Variants in SCAMP5 observed in about 807,000 individuals in gnomAD.
The protein encoded by SCAMP5 is secretory carrier membrane protein 5, also known as secretory carrier-associated membrane protein 5.
A neutral mutation model predicts 28.3 loss-of-function variants in SCAMP5; 7 were observed. The observed-to-expected ratio is 0.25, with a 90% CI of 0.14 to 0.46. SCAMP5 has a LOEUF of 0.46. Ranked by LOEUF, SCAMP5 falls within the 20% of genes least tolerant of loss-of-function variation. SCAMP5 has a pLI of 0.99. For missense variants in SCAMP5, 192 were observed against 312.5 expected, an observed-to-expected ratio of 0.61 and a Z score of 2.91; for synonymous variants, 117 against 116.4, an observed-to-expected ratio of 1.00 and a Z score of -0.03.
chr15:75,007,398 C>CT (rs1428621754), intron 1 of SCAMP5, among the ~76,000 whole-genome samples: 2 of 152,096 alleles, frequency 1.3e-5, no homozygotes, highest in Non-Finnish European at 2.9e-5. Flanking sequence ...GTTTCTTTTT[C>CT]TTTTTTTGAG....
At chr15:75,008,366 A>T (rs1214224788) in intron 1 of SCAMP5, among the ~76,000 whole-genome samples, 11 of 151,042 alleles carry the variant, frequency 7.3e-5, no homozygotes, top group Admixed American at 7.2e-4. Context: ...AAGCAAATTC[A>T]TATGTGCATT....
At position 75,015,454 on chromosome 15, in the gene SCAMP5, G is replaced by T. The variant is rs3751647; in HGVS notation, c.137-1139G>T. Reference sequence around the variant, plus strand: ...TCAGCTAGATGAGGTGGGGACAGAGGGGGGGGGGCCTGGGTCCTGTTCTTG... The same window carrying T: ...TCAGCTAGATGAGGTGGGGACAGAGTGGGGGGGGCCTGGGTCCTGTTCTTG... On this transcript the variant is annotated intron_variant, in intron 3 of 6. Coordinates refer to ENST00000425597, the MANE Select transcript of SCAMP5 (RefSeq NM_138967.4). Among the ~76,000 whole-genome samples, 433 of 150,022 alleles carry T rather than the reference G, an allele frequency of 2.9e-3. 3 individuals carry two copies. The highest frequency in any genetic ancestry group is 7.8e-3 in the African/African-American group (320 of 40,942).
At chr15:75,009,258 A>G (rs1481975614) in intron 1 of SCAMP5, among the ~76,000 whole-genome samples, 1 of 152,134 alleles carries the variant, frequency 6.6e-6, no homozygotes, top group East Asian at 1.9e-4. Context: ...GCCGCAATTA[A>G]TGCACCTGTG....
At position 75,018,297 on chromosome 15, in the gene SCAMP5, G is replaced by T; in HGVS notation, c.396-121G>T. Reference sequence around the variant, plus strand: ...AGGTTCTTTGGGTATCAGTAAGATGGTCCCTCTGCATCCAGTGATATGTTT... The same window carrying T: ...AGGTTCTTTGGGTATCAGTAAGATGTTCCCTCTGCATCCAGTGATATGTTT... On this transcript the variant is annotated intron_variant, in intron 5 of 6. Coordinates refer to ENST00000425597, the MANE Select transcript of SCAMP5 (RefSeq NM_138967.4). This position sits in a 1 kb window ranked among gnomAD's most constrained non-coding sequence, Gnocchi z 5.6. 1.3e-6 allele frequency: 1 copy of T among 748,504 alleles called. No individual in the cohort carries two copies. The highest frequency in any genetic ancestry group is 2.5e-6 in the Non-Finnish European group (1 of 407,992). 46.4% of individuals were successfully genotyped at this position (748,504 alleles called of 1,614,324 possible).
chr15:75,007,420 C>T (rs1361013302), intron 1 of SCAMP5, among the ~76,000 whole-genome samples: 2 of 152,184 alleles, frequency 1.3e-5, no homozygotes, highest in African/African-American at 2.4e-5. Context: ...CAGGGTCTTG[C>T]TCTGCCGCCC....
chr15:75,013,937 CA>C (rs2065836841), intron 3 of SCAMP5, among the ~76,000 whole-genome samples: 1 of 151,130 alleles, frequency 6.6e-6, no homozygotes, highest in Non-Finnish European at 1.5e-5. Context: ...TGATCTGTAG[CA>C]GGGGGTGGGA....
Position 75,011,865 on chromosome 15 carries a change from T to C in SCAMP5, c.7+19T>C, listed in dbSNP as rs1384742553. On this transcript the variant is annotated intron_variant, in intron 2 of 6. Transcript: ENST00000425597. ...ATGGCAGGTAAGGAGAGGGGCAGGC[T>C]GTGTGGGTAGGACATGACAGTGAGC... 2 of 1,609,750 alleles carry C rather than the reference T, an allele frequency of 1.2e-6. No individual in the cohort carries two copies. Among genetic ancestry groups the C allele is most frequent in the South Asian group, 2.2e-5 (2 of 90,876 alleles).
Position 75,011,827 on chromosome 15 carries a change from A to C in SCAMP5, c.-13A>C. On this transcript the variant is annotated 5_prime_UTR_variant, in exon 2 of 7. Transcript: ENST00000425597. The stretch of plus-strand genomic sequence containing the variant: ...AGAGGTGTGGGCAGGCCACTGGGCC[A>C]GCTGGTAACATCATGGCAGGTAAGG... 3 of 1,612,652 alleles carry C rather than the reference A, an allele frequency of 1.9e-6. No individual in the cohort carries two copies. Among genetic ancestry groups the C allele is most frequent in the Non-Finnish European group, 2.5e-6 (3 of 1,178,828 alleles).
chr15:75,000,808 T>G (rs770785418), intron 1 of SCAMP5, among the ~76,000 whole-genome samples: 6 of 150,874 alleles, frequency 4.0e-5, no homozygotes, highest in Non-Finnish European at 8.8e-5. Flanking sequence ...CCCATTTACC[T>G]TTCAACTCCA....
In SCAMP5 at chr15:75,021,116, C is replaced by T. The variant is rs2065900783; in HGVS notation, c.*2133C>T. 1 of 152,264 alleles carries T rather than the reference C, an allele frequency of 6.6e-6. No individual in the cohort carries two copies. 9.4% of individuals were successfully genotyped at this position (152,264 alleles called of 1,614,324 possible). A position where few individuals can be genotyped will look rare whatever the true frequency, so the allele number is the denominator to read the frequency against. On this transcript the variant is annotated 3_prime_UTR_variant, in exon 7 of 7. Transcript: ENST00000425597. Reference sequence around the variant, plus strand: ...CCAATCAGTTTCCTGTCCTACCTGCCTCTTTGGCTTGGACCTATATGGCCA... The same window carrying T: ...CCAATCAGTTTCCTGTCCTACCTGCTTCTTTGGCTTGGACCTATATGGCCA...
intron 1 of SCAMP5, among the ~76,000 whole-genome samples, chr15:75,002,552 C>T (rs368964291): frequency 2.6e-5 from 4 of 152,088 alleles, no homozygotes; most frequent in Non-Finnish European, 5.9e-5. Flanking sequence ...ACAGCTGACT[C>T]GATGCTGTTA....
chr15:75,006,954 A>G (rs553984508), intron 1 of SCAMP5, among the ~76,000 whole-genome samples: 100 of 152,254 alleles, frequency 6.6e-4, no homozygotes, highest in Non-Finnish European at 1.1e-3. Flanking sequence ...GAAAAAAAAG[A>G]GAGAAAAAAA....
chr15:75,017,611 A>G (rs559200912), intron 4 of SCAMP5: 63 of 580,084 alleles, frequency 1.1e-4, no homozygotes, highest in Non-Finnish European at 1.7e-4. Flanking sequence ...TTCTATGCCA[A>G]TGAGGCCGTC....
At chr15:74,998,074 G>A (rs2065669217) in intron 1 of SCAMP5, among the ~76,000 whole-genome samples, 1 of 152,160 alleles carries the variant, frequency 6.6e-6, no homozygotes, top group South Asian at 2.1e-4. Flanking sequence ...CTTGACCCTC[G>A]TCTGCTGCCA....
chr15:75,005,251 T>C (rs2065745472), intron 1 of SCAMP5, among the ~76,000 whole-genome samples: 1 of 151,346 alleles, frequency 6.6e-6, no homozygotes, highest in South Asian at 2.1e-4. Context: ...TCACCTGAGG[T>C]CGGGAGTTTG....
intron 1 of SCAMP5, among the ~76,000 whole-genome samples, chr15:75,010,230 G>T (rs1181196728): frequency 6.6e-6 from 1 of 152,024 alleles, no homozygotes; most frequent in Non-Finnish European, 1.5e-5. Flanking sequence ...CCTATAAGAC[G>T]CCCTGTCCAG....
intron 1 of SCAMP5, among the ~76,000 whole-genome samples, chr15:75,008,949 T>C (rs1018925520): frequency 6.6e-6 from 1 of 152,248 alleles, no homozygotes; most frequent in Non-Finnish European, 1.5e-5. Context: ...TCTGGGTAAA[T>C]GACTAACAGG....
intron 1 of SCAMP5, among the ~76,000 whole-genome samples, chr15:75,002,286 T>C (rs2065716957): frequency 6.6e-6 from 1 of 151,850 alleles, no homozygotes; most frequent in African/African-American, 2.4e-5. Context: ...CTTGCACTGG[T>C]GCCCCTGTGT....
At chr15:75,001,576 G>C (rs1375514725) in intron 1 of SCAMP5, among the ~76,000 whole-genome samples, 3 of 151,800 alleles carry the variant, frequency 2.0e-5, no homozygotes, top group Non-Finnish European at 4.4e-5. Context: ...AGGAGTTCAA[G>C]ACAAACCTAG....
Sources: gnomAD v4.1 joint callset for allele counts (sites outside exome capture counted in the v4.1 genomes callset) on GRCh38, gnomAD v4.1.1 for gene constraint, Gnocchi (gnomAD v3.1) non-coding constraint, MANE v1.5 for transcripts, NCBI Gene and HGNC (gene_info 2026-07-23, HGNC 2026-07-21) for gene names.